The following GFOD1 variants were observed in gnomAD, a reference collection of about 807,000 sequenced individuals.
GFOD1 encodes the protein Gfo/Idh/MocA-like oxidoreductase domain containing 1, also known as glucose-fructose oxidoreductase domain-containing protein 1.
A neutral mutation model predicts 25.4 loss-of-function variants in GFOD1; 9 were observed. That is an observed-to-expected ratio of 0.35 (90% CI 0.21 to 0.62). GFOD1 has a LOEUF of 0.62. Among genes scored for constraint, GFOD1 ranks in the 20% least tolerant of loss-of-function variants. The probability of loss-of-function intolerance (pLI) is 0.72; values close to 1 mark genes in which losing one functional copy is unlikely to be tolerated. For missense variants in GFOD1, 403 were observed against 556.9 expected, an observed-to-expected ratio of 0.72 and a Z score of 2.78; for synonymous variants, 253 against 245.6, an observed-to-expected ratio of 1.03 and a Z score of -0.28.
rs774832011 is a variant in GFOD1, at chr6:13,365,017, G to A, written c.899C>T (p.Ser300Leu). The change falls in exon 2 of 2, where the codon TCG (serine) becomes TTG (leucine). Residue 300 changes from serine to leucine, a missense_variant. Transcript: ENST00000379287. This position sits in a 1 kb window ranked among gnomAD's most constrained non-coding sequence, Gnocchi z 9.2. ...LPEKAFSDIP[S>L]PYLRGTIKMM... ...CTTGATGGTGCCGCGCAGGTAGGGC[G>A]AGGGGATGTCGCTGAAGGCCTTCTC... 22 of 1,610,204 alleles carry A rather than the reference G, an allele frequency of 1.4e-5. No individual in the cohort carries two copies. The highest frequency in any genetic ancestry group is 1.6e-4 in the Middle Eastern group (1 of 6,076).
chr6:13,479,077 GAA>G (rs1037812728), intron 1 of GFOD1, among the ~76,000 whole-genome samples: 4 of 144,238 alleles, frequency 2.8e-5, no homozygotes, highest in Admixed American at 2.8e-4. Flanking sequence ...AAAAAAAAAA[GAA>G]AAAATTTAAA....
intron 1 of GFOD1, among the ~76,000 whole-genome samples, chr6:13,444,332 A>G (rs1757966820): frequency 6.6e-6 from 1 of 152,044 alleles, no homozygotes; most frequent in African/African-American, 2.4e-5. Flanking sequence ...CACAAAGAAG[A>G]TAACAACAGA....
chr6:13,457,914 G>A (rs922960836), intron 1 of GFOD1, among the ~76,000 whole-genome samples: 1 of 152,208 alleles, frequency 6.6e-6, no homozygotes, highest in Non-Finnish European at 1.5e-5. Flanking sequence ...CCAGGGCGAT[G>A]CCTGGACCTC....
intron 1 of GFOD1, chr6:13,408,057 C>A (rs1785979819): frequency 1.0e-6 from 1 of 985,296 alleles, no homozygotes; most frequent in Non-Finnish European, 1.2e-6. Flanking sequence ...ATGTGCCCTT[C>A]CCTACTGCAT....
At position 13,362,461 on chromosome 6, in the gene GFOD1, C is replaced by CA. The variant is rs770325894; in HGVS notation, c.*2281dup. 0.091 allele frequency: 7,339 copies of CA among 80,568 alleles called. 272 individuals are homozygous for CA. The highest frequency in any genetic ancestry group is 0.23 in the Middle Eastern group (36 of 160). The allele number at this position is 80,568 out of a possible 1,614,324, so 5.0% of individuals were successfully genotyped here. A position where few individuals can be genotyped will look rare whatever the true frequency, so the allele number is the denominator to read the frequency against. ...TGGGTGACAGAGCGAGACTCCATTT[C>CA]AAAAAAAAAAAAAAAAAAAGAAGAA... On this transcript the variant is annotated 3_prime_UTR_variant, in exon 2 of 2. Transcript: ENST00000379287.
At chr6:13,465,969 G>T (rs981838313) in intron 1 of GFOD1, among the ~76,000 whole-genome samples, 3 of 152,166 alleles carry the variant, frequency 2.0e-5, no homozygotes, top group African/African-American at 4.8e-5. Context: ...AGAAATAAAA[G>T]AAATGACTCA....
At chr6:13,483,601 G>A (rs149386542) in intron 1 of GFOD1, among the ~76,000 whole-genome samples, 184 of 152,254 alleles carry the variant, frequency 1.2e-3, no homozygotes, top group African/African-American at 4.1e-3. Context: ...CAGAAACTAC[G>A]AAAGGACCTG....
At chr6:13,460,691 G>GGATAAATATCTAATACATGCAA in intron 1 of GFOD1, among the ~76,000 whole-genome samples, 1 of 150,808 alleles carries the variant, frequency 6.6e-6, no homozygotes, top group South Asian at 2.2e-4. Flanking sequence ...GAGTGTATCA[G>GGATAAATATCTAATACATGCAA]GATAAATATC....
chr6:13,480,655 C>A (rs1029132912), intron 1 of GFOD1, among the ~76,000 whole-genome samples: 1 of 152,186 alleles, frequency 6.6e-6, no homozygotes, highest in Non-Finnish European at 1.5e-5. Flanking sequence ...CAGGCATGCA[C>A]CATCATGCCT....
chr6:13,425,393 A>G (rs1786334546), intron 1 of GFOD1, among the ~76,000 whole-genome samples: 1 of 152,178 alleles, frequency 6.6e-6, no homozygotes, highest in African/African-American at 2.4e-5. Context: ...GGAAGAGCCC[A>G]GACTTAAATC....
intron 1 of GFOD1, among the ~76,000 whole-genome samples, chr6:13,461,286 C>T (rs1007148480): frequency 2.0e-5 from 3 of 152,164 alleles, no homozygotes; most frequent in East Asian, 1.9e-4. Flanking sequence ...GAGCAGCCCT[C>T]GGCCCTCTTT....
At chr6:13,385,780 G>T (rs967435949) in intron 1 of GFOD1, among the ~76,000 whole-genome samples, 10 of 152,084 alleles carry the variant, frequency 6.6e-5, no homozygotes, top group African/African-American at 2.4e-4. Context: ...TTCTTCAAGG[G>T]CTTAAAGCCC....
In GFOD1 at chr6:13,487,577, C is replaced by A; in HGVS notation, c.-687G>T. 6.6e-6 allele frequency: 1 copy of A among 152,142 alleles called. No homozygotes were observed. The highest frequency in any genetic ancestry group is 1.5e-5 in the Non-Finnish European group (1 of 68,012). 9.4% of individuals were successfully genotyped at this position (152,142 alleles called of 1,614,324 possible). A position where few individuals can be genotyped will look rare whatever the true frequency, so the allele number is the denominator to read the frequency against. ...GCTCGCCTCGCGGCTCGGGCGGCCT[C>A]GGCCCCAGGCCGGCTCAGGCTCTGG... On this transcript the variant is annotated 5_prime_UTR_variant, in exon 1 of 2. Transcript: ENST00000379287. The surrounding 1 kb of genome is among the most constrained non-coding windows in gnomAD (Gnocchi z 4.9).
intron 1 of GFOD1, among the ~76,000 whole-genome samples, chr6:13,407,294 A>G (rs1192868658): frequency 6.6e-6 from 1 of 152,214 alleles, no homozygotes; most frequent in African/African-American, 2.4e-5. Flanking sequence ...AAGAGAAGAA[A>G]GGAGGATACC....
chr6:13,398,121 TTA>T (rs1785771966), intron 1 of GFOD1, among the ~76,000 whole-genome samples: 1 of 152,206 alleles, frequency 6.6e-6, no homozygotes, highest in African/African-American at 2.4e-5. Flanking sequence ...ATACCGTATA[TTA>T]TGTTATGTAC....
In GFOD1 at chr6:13,436,862, C is replaced by A. The variant is rs138942117; in HGVS notation, c.253+49776G>T. The stretch of plus-strand genomic sequence containing the variant: ...CTTGGCTAGCCTGAGAAATATGAAG[C>A]GAGATCATTTTATGTGACATTCTAT... On this transcript the variant is annotated intron_variant, in intron 1 of 1. Coordinates refer to ENST00000379287, the MANE Select transcript of GFOD1 (RefSeq NM_018988.4). 4.2e-3 allele frequency among the ~76,000 whole-genome samples: 646 copies of A among 152,292 alleles called. 4 individuals carry two copies. Among genetic ancestry groups the A allele is most frequent in the African/African-American group, 0.015 (629 of 41,568 alleles).
chr6:13,452,148 T>C (rs1758108851), intron 1 of GFOD1, among the ~76,000 whole-genome samples: 1 of 152,174 alleles, frequency 6.6e-6, no homozygotes, highest in African/African-American at 2.4e-5. Flanking sequence ...GCCACGGCTC[T>C]GTCTGGGGCT....
chr6:13,472,449 C>T (rs1224177592), intron 1 of GFOD1, among the ~76,000 whole-genome samples: 1 of 152,180 alleles, frequency 6.6e-6, no homozygotes, highest in Non-Finnish European at 1.5e-5. Flanking sequence ...GCAAGATTCT[C>T]ATATTTATTG....
chr6:13,436,987 C>A (rs748881106), intron 1 of GFOD1, among the ~76,000 whole-genome samples: 1 of 152,208 alleles, frequency 6.6e-6, no homozygotes, highest in Non-Finnish European at 1.5e-5. Context: ...ACGGCATCAG[C>A]CTCAGAGGCT....
Sources: gnomAD v4.1 joint callset for allele counts (sites outside exome capture counted in the v4.1 genomes callset) on GRCh38, gnomAD v4.1.1 for gene constraint, Gnocchi (gnomAD v3.1) non-coding constraint, MANE v1.5 for transcripts, NCBI Gene and HGNC (gene_info 2026-07-23, HGNC 2026-07-21) for gene names.